The following PIP4K2B variants were observed in gnomAD, a reference collection of about 807,000 sequenced individuals.
The protein encoded by PIP4K2B is phosphatidylinositol-5-phosphate 4-kinase type 2 beta.
PIP4K2B carries 3 observed loss-of-function variants against 42.0 expected under a neutral mutation model. That is an observed-to-expected ratio of 0.07 (90% confidence interval 0.03 to 0.18). The LOEUF is 0.18. Among genes scored for constraint, PIP4K2B ranks in the 10% least tolerant of loss-of-function variants. The pLI, the probability that PIP4K2B is intolerant of heterozygous loss-of-function variation, is 1.00. For synonymous variants in PIP4K2B, 204 were observed against 210.1 expected (o/e 0.97, Z 0.25); for missense variants, 332 against 562.3 (o/e 0.59, Z 4.14).
At chr17:38,781,183 C>T (rs1909691521) in intron 3 of PIP4K2B, among the ~76,000 whole-genome samples, 1 of 152,128 alleles carries the variant, frequency 6.6e-6, no homozygotes, top group African/African-American at 2.4e-5. Flanking sequence ...TGATCCTCAT[C>T]TCTGAGCCTG....
At chr17:38,789,961 G>A (rs981114363) in intron 1 of PIP4K2B, among the ~76,000 whole-genome samples, 2 of 152,182 alleles carry the variant, frequency 1.3e-5, no homozygotes, top group Non-Finnish European at 2.9e-5. Flanking sequence ...GGGGGGTGCT[G>A]AGTGTAAAGG....
At chr17:38,796,434 T>C (rs1910665290) in intron 1 of PIP4K2B, among the ~76,000 whole-genome samples, 1 of 152,156 alleles carries the variant, frequency 6.6e-6, no homozygotes, top group African/African-American at 2.4e-5. Flanking sequence ...CAGGTCTACC[T>C]CCCATGGTCT....
intron 1 of PIP4K2B, among the ~76,000 whole-genome samples, chr17:38,791,211 A>G (rs1910321772): frequency 6.6e-6 from 1 of 152,114 alleles, no homozygotes; most frequent in Non-Finnish European, 1.5e-5. Context: ...CAGTCCTCAT[A>G]CATCAGGCCA....
At position 38,766,281 on chromosome 17, in the gene PIP4K2B, G is replaced by C. The variant is rs181660899; in HGVS notation, c.*3410C>G. ...GGAAGAGATGAGGCTCCTAGACTTG[G>C]GGGGCCACAGGTTTAAGGCCAGAGC... On this transcript the variant is annotated 3_prime_UTR_variant, in exon 10 of 10. Coordinates refer to ENST00000619039, the MANE Select transcript of PIP4K2B (RefSeq NM_003559.5). The C allele has an allele frequency of 6.6e-6, 1 of 152,546 alleles. No individual in the cohort carries two copies. Among genetic ancestry groups the C allele is most frequent in the Admixed American group, 6.5e-5 (1 of 15,282 alleles). The allele number at this position is 152,546 out of a possible 1,614,324, so 9.4% of individuals were successfully genotyped here.
intron 7 of PIP4K2B, chr17:38,776,136 A>C: frequency 2.6e-6 from 1 of 381,578 alleles, no homozygotes; most frequent in Non-Finnish European, 5.2e-6. Context: ...ATGCCCGGCT[A>C]ATTTTGTATT....
intron 2 of PIP4K2B, among the ~76,000 whole-genome samples, chr17:38,785,800 C>A (rs1033964354): frequency 2.6e-5 from 4 of 152,296 alleles, no homozygotes; most frequent in Admixed American, 2.6e-4. Context: ...AAGGAGGTAG[C>A]ACCTCACCAG....
intron 1 of PIP4K2B, among the ~76,000 whole-genome samples, chr17:38,797,640 C>T (rs1910726216): frequency 6.6e-6 from 1 of 152,228 alleles, no homozygotes; most frequent in African/African-American, 2.4e-5. Flanking sequence ...ACTCCTGACT[C>T]TCAGGCCTCT....
chr17:38,784,597 C>T (rs769450593), intron 2 of PIP4K2B, among the ~76,000 whole-genome samples: 3 of 152,148 alleles, frequency 2.0e-5, no homozygotes, highest in Non-Finnish European at 4.4e-5. Context: ...TGGATCTGAA[C>T]ATCTGCCATA....
At chr17:38,778,251 G>A (rs1352339520) in intron 6 of PIP4K2B, 83 bp downstream of exon 6, 24 of 1,232,042 alleles carry the variant, frequency 1.9e-5, no homozygotes, top group African/African-American at 3.0e-5. Flanking sequence ...GCTAGGGGCT[G>A]GGGTGGGCGA....
At chr17:38,771,933 A>C (rs1213908641) in intron 7 of PIP4K2B, among the ~76,000 whole-genome samples, 2 of 152,154 alleles carry the variant, frequency 1.3e-5, no homozygotes, top group Non-Finnish European at 2.9e-5. Context: ...GGGAGGCTCA[A>C]GTGGGAGGAT....
At chr17:38,788,768 TGG>T (rs1910179324) in intron 1 of PIP4K2B, among the ~76,000 whole-genome samples, 1 of 151,948 alleles carries the variant, frequency 6.6e-6, no homozygotes, top group Non-Finnish European at 1.5e-5. Flanking sequence ...CTGGCCAATA[TGG>T]TGAAACCCTA....
chr17:38,798,763 A>G (rs1910784917), intron 1 of PIP4K2B, among the ~76,000 whole-genome samples: 2 of 152,204 alleles, frequency 1.3e-5, no homozygotes, highest in Admixed American at 6.5e-5. Flanking sequence ...GGAGTTCTAC[A>G]TTCAAAGGTA....
intron 1 of PIP4K2B, among the ~76,000 whole-genome samples, chr17:38,791,719 ATT>A (rs1567662485): frequency 1.3e-5 from 2 of 148,824 alleles, no homozygotes; most frequent in African/African-American, 4.9e-5. Flanking sequence ...AGACTGCCAA[ATT>A]TCTATTCAAT....
chr17:38,768,373 G>A lies in PIP4K2B; in HGVS notation c.*1318C>T, dbSNP rs1338441044. On this transcript the variant is annotated 3_prime_UTR_variant, in exon 10 of 10. Transcript: ENST00000619039. ...CTTCCAAAAAAGCCTGTGGGCTGCA[G>A]ATCTGCTAAAAGTCTAGAGCGGGGC... 6.5e-6 allele frequency: 1 copy of A among 152,884 alleles called. No individual in the cohort carries two copies. Among genetic ancestry groups the A allele is most frequent in the African/African-American group, 2.4e-5 (1 of 41,474 alleles). The allele number at this position is 152,884 out of a possible 1,614,324, so 9.5% of individuals were successfully genotyped here. A position where few individuals can be genotyped will look rare whatever the true frequency, so the allele number is the denominator to read the frequency against.
intron 1 of PIP4K2B, among the ~76,000 whole-genome samples, chr17:38,792,560 G>C (rs1910397440): frequency 6.6e-6 from 1 of 152,234 alleles, no homozygotes; most frequent in South Asian, 2.1e-4. Flanking sequence ...CCACTTCCCT[G>C]TGCGACCTTC....
At chr17:38,778,463 A>T in intron 5 of PIP4K2B, 91 bp from the exon 6 acceptor site, 1 of 1,172,072 alleles carries the variant, frequency 8.5e-7, no homozygotes, top group Non-Finnish European at 1.3e-6. Flanking sequence ...GAACTCAAGT[A>T]GGCTTGTTAG....
rs74869946 is a variant in PIP4K2B, at chr17:38,765,991, C to A, written c.*3700G>T. The A allele has an allele frequency of 6.6e-6, 1 of 152,592 alleles. No homozygotes were observed. Among genetic ancestry groups the A allele is most frequent in the Non-Finnish European group, 1.5e-5 (1 of 68,050 alleles). 9.5% of individuals were successfully genotyped at this position (152,592 alleles called of 1,614,324 possible). ...GTGCCGAGCAGTACTGCCCCCTCCC[C>A]CAAGGGTGTTGGCTCCCACCGCCTC... On this transcript the variant is annotated 3_prime_UTR_variant, in exon 10 of 10. Transcript: ENST00000619039.
At chr17:38,774,594 C>T (rs894863930) in intron 7 of PIP4K2B, among the ~76,000 whole-genome samples, 9 of 151,928 alleles carry the variant, frequency 5.9e-5, no homozygotes, top group African/African-American at 1.9e-4. Context: ...TGGTGAAACC[C>T]CATCTCTACT....
chr17:38,779,878 T>C, intron 4 of PIP4K2B: 1 of 258,490 alleles, frequency 3.9e-6, no homozygotes, highest in Non-Finnish European at 7.4e-6. Flanking sequence ...CAGCCTGATA[T>C]GGGAATGCCG....
Sources: allele counts gnomAD v4.1 joint callset (sites outside exome capture counted in the v4.1 genomes callset), GRCh38; gene constraint gnomAD v4.1.1; transcripts MANE v1.5; gene names NCBI Gene and HGNC (gene_info 2026-07-23, HGNC 2026-07-21).